The following GALR1 variants were observed in gnomAD, a reference collection of about 807,000 sequenced individuals.
GALR1 encodes galanin receptor 1.
GALR1 carries 11 observed loss-of-function variants against 17.9 expected under a neutral mutation model. That is an observed-to-expected ratio of 0.62 (90% confidence interval 0.39 to 1.02). The LOEUF (loss-of-function observed/expected upper bound fraction) is 1.02, where lower values mean the gene tolerates loss of function less well. Ranked by LOEUF, GALR1 falls within the 50% of genes least tolerant of loss-of-function variation. The pLI is 0.01. For synonymous variants in GALR1, 206 were observed against 205.7 expected (o/e 1.00, Z -0.01); for missense variants, 441 against 456.9 (o/e 0.97, Z 0.32).
chr18:77,250,517 C>T lies in GALR1; in HGVS notation c.-32C>T, dbSNP rs1912374660. 2.8e-6 allele frequency: 4 copies of T among 1,431,624 alleles called. No individual in the cohort carries two copies. The highest frequency in any genetic ancestry group is 2.6e-4 in the Middle Eastern group (1 of 3,890). The allele number at this position is 1,431,624 out of a possible 1,614,324, so 88.7% of individuals were successfully genotyped here. A position where few individuals can be genotyped will look rare whatever the true frequency, so the allele number is the denominator to read the frequency against. On this transcript the variant is annotated 5_prime_UTR_variant, in exon 1 of 3. Transcript: ENST00000299727. ...CTATCCCGCCCTCCCTCCCCGCGCG[C>T]CCCGCCGCTCGCCGGGACAGCCCCG...
At chr18:77,264,896 C>A (rs34428592) in intron 2 of GALR1, among the ~76,000 whole-genome samples, 5,588 of 152,234 alleles carry the variant, frequency 0.037, 171 homozygotes, top group Non-Finnish European at 0.06. Context: ...TGGGTTCCTG[C>A]CACCACACAT....
Position 77,269,133 on chromosome 18 carries a change from C to CA in GALR1, c.*235dup. ...TTAGTTCTAAATTATGTTTCAGAAACAAAAGACAATGCTGTACAGTTTTAT... is the reference window on the plus strand; with the variant it reads ...TTAGTTCTAAATTATGTTTCAGAAACAAAAAGACAATGCTGTACAGTTTTAT... On this transcript the variant is annotated 3_prime_UTR_variant, in exon 3 of 3. Coordinates refer to ENST00000299727, the MANE Select transcript of GALR1 (RefSeq NM_001480.4). The CA allele has an allele frequency of 1.9e-6, 1 of 519,044 alleles. No individual in the cohort carries two copies. The highest frequency in any genetic ancestry group is 3.4e-6 in the Non-Finnish European group (1 of 294,520). 32.2% of individuals were successfully genotyped at this position (519,044 alleles called of 1,614,324 possible).
At chr18:77,258,504 G>A (rs1396148159) in intron 2 of GALR1, among the ~76,000 whole-genome samples, 2 of 147,372 alleles carry the variant, frequency 1.4e-5, no homozygotes, top group Non-Finnish European at 3.0e-5. Flanking sequence ...GGTAGTGGTG[G>A]TGATGATGGT....
At position 77,271,247 on chromosome 18, in the gene GALR1, C is replaced by CTG. The variant is rs1913056751; in HGVS notation, c.*2345_*2346insTG. ...AAAAAGTAATAGCTTGCGCTTGAAA[C>CTG]CCCCCCCCCCCCGCCACTTTGCTAA... is the stretch of plus-strand genomic sequence containing the variant. On this transcript the variant is annotated 3_prime_UTR_variant, in exon 3 of 3. Coordinates refer to ENST00000299727, the MANE Select transcript of GALR1 (RefSeq NM_001480.4). 2 of 34,138 alleles carry CTG rather than the reference C, an allele frequency of 5.9e-5. No individual in the cohort carries two copies. Among genetic ancestry groups the CTG allele is most frequent in the African/African-American group, 3.4e-4 (2 of 5,962 alleles). The allele number at this position is 34,138 out of a possible 1,614,324, so 2.1% of individuals were successfully genotyped here. A position where few individuals can be genotyped will look rare whatever the true frequency, so the allele number is the denominator to read the frequency against.
intron 2 of GALR1, among the ~76,000 whole-genome samples, chr18:77,259,033 GTCA>G (rs1568141834): frequency 3.1e-4 from 4 of 13,004 alleles, no homozygotes; most frequent in Admixed American, 8.3e-4. Context: ...GTTGGTGGTG[GTCA>G]TGATGGTCAT....
intron 2 of GALR1, among the ~76,000 whole-genome samples, chr18:77,267,371 C>T (rs1316672606): frequency 1.3e-5 from 2 of 152,206 alleles, no homozygotes; most frequent in Non-Finnish European, 2.9e-5. Flanking sequence ...TTGCATTCAG[C>T]TGTGGGACAC....
At chr18:77,257,479 A>G (rs907824526) in intron 2 of GALR1, among the ~76,000 whole-genome samples, 7 of 152,188 alleles carry the variant, frequency 4.6e-5, no homozygotes, top group African/African-American at 1.7e-4. Context: ...GCAGCTGACC[A>G]AGTGCTAAGT....
At chr18:77,259,844 A>C (rs1281870822) in intron 2 of GALR1, among the ~76,000 whole-genome samples, 1 of 151,906 alleles carries the variant, frequency 6.6e-6, no homozygotes, top group African/African-American at 2.4e-5. Context: ...CAGAGGCAGG[A>C]GAGGTGAGAC....
intron 2 of GALR1, among the ~76,000 whole-genome samples, chr18:77,264,831 G>A (rs916234348): frequency 6.6e-6 from 1 of 152,064 alleles, no homozygotes; most frequent in Admixed American, 6.6e-5. Flanking sequence ...GAACTCATTC[G>A]CTATCATGAG....
chr18:77,260,309 G>A (rs982424773), intron 2 of GALR1, among the ~76,000 whole-genome samples: 2 of 152,160 alleles, frequency 1.3e-5, no homozygotes, highest in African/African-American at 4.8e-5. Context: ...TCTTTCATAA[G>A]GGGACTGGTC....
chr18:77,252,887 C>G (rs1421025390), intron 1 of GALR1, among the ~76,000 whole-genome samples: 1 of 76,196 alleles, frequency 1.3e-5, no homozygotes, highest in Non-Finnish European at 2.9e-5. Flanking sequence ...ACCATCACCA[C>G]CACCACCATC....
At chr18:77,266,814 G>A (rs747240619) in intron 2 of GALR1, among the ~76,000 whole-genome samples, 5 of 152,168 alleles carry the variant, frequency 3.3e-5, no homozygotes, top group Admixed American at 6.5e-5. Flanking sequence ...CTGCCCCCAT[G>A]ATTCAATTAC....
At chr18:77,252,974 C>CCAT (rs1912493501) in intron 1 of GALR1, among the ~76,000 whole-genome samples, 8 of 57,222 alleles carry the variant, frequency 1.4e-4, no homozygotes, top group South Asian at 5.1e-4. Flanking sequence ...ACCACCATCA[C>CCAT]CACCATCACC....
rs1913132926 is a variant in GALR1 at position 77,275,209 on chromosome 18, G to A, written c.*6307G>A. The A allele has an allele frequency of 6.6e-6, 1 of 152,250 alleles. No individual in the cohort carries two copies. The highest frequency in any genetic ancestry group is 1.5e-5 in the Non-Finnish European group (1 of 68,092). 9.4% of individuals were successfully genotyped at this position (152,250 alleles called of 1,614,324 possible). A position where few individuals can be genotyped will look rare whatever the true frequency, so the allele number is the denominator to read the frequency against. On this transcript the variant is annotated 3_prime_UTR_variant, in exon 3 of 3. Transcript: ENST00000299727. ...GAATTCGTTCCCTGTGGGTGTCTGG[G>A]GTGCATCGTTACTTCTGAGATGTTA...
At chr18:77,265,829 G>C (rs1354560484) in intron 2 of GALR1, among the ~76,000 whole-genome samples, 1 of 151,982 alleles carries the variant, frequency 6.6e-6, no homozygotes, top group Non-Finnish European at 1.5e-5. Context: ...TGGGACACAG[G>C]ACACCAAACC....
rs1195909401 is a variant in GALR1 at position 77,249,884 on chromosome 18, C to T, written c.-665C>T. On this transcript the variant is annotated 5_prime_UTR_variant, in exon 1 of 3. Transcript: ENST00000299727. ...TCAGTTGCAGCAGAGAAGCCCCTGG[C>T]ACCCGACTCTATCCACCACCAGGAA... Among the ~76,000 whole-genome samples, 6 of 152,226 alleles carry T rather than the reference C, an allele frequency of 3.9e-5. No individual in the cohort carries two copies. Among genetic ancestry groups the T allele is most frequent in the Admixed American group, 3.9e-4 (6 of 15,284 alleles).
At chr18:77,258,718 G>A (rs1375815209) in intron 2 of GALR1, among the ~76,000 whole-genome samples, 2 of 64,884 alleles carry the variant, frequency 3.1e-5, no homozygotes, top group African/African-American at 5.4e-5. Context: ...TGGTGGTGCT[G>A]GTGATGGTGG....
In GALR1 at chr18:77,252,887, C is replaced by T. The variant is rs1421025390; in HGVS notation, c.666+1673C>T. On this transcript the variant is annotated intron_variant, in intron 1 of 2. Coordinates refer to ENST00000299727, the MANE Select transcript of GALR1 (RefSeq NM_001480.4). Reference sequence around the variant, plus strand: ...ACCACCACCACCACCACCATCACCACCACCACCATCACCACCACCACCACC... The same window carrying T: ...ACCACCACCACCACCACCATCACCATCACCACCATCACCACCACCACCACC... 3.3e-3 allele frequency among the ~76,000 whole-genome samples: 252 copies of T among 76,158 alleles called. 1 individual carries two copies. The highest frequency in any genetic ancestry group is 0.011 in the Middle Eastern group (2 of 174). The allele number at this position is 76,158 out of a possible 152,430, so 50.0% of individuals were successfully genotyped here.
intron 2 of GALR1, among the ~76,000 whole-genome samples, chr18:77,258,836 G>GCCA (rs1912697712): frequency 2.8e-4 from 1 of 3,600 alleles, no homozygotes; most frequent in Admixed American, 3.4e-3. Context: ...GCTGGTGATG[G>GCCA]TGGTGATGGT....
Sources: allele counts gnomAD v4.1 joint callset (sites outside exome capture counted in the v4.1 genomes callset), GRCh38; gene constraint gnomAD v4.1.1; transcripts MANE v1.5; gene names NCBI Gene and HGNC (gene_info 2026-07-23, HGNC 2026-07-21).